SPARCL1: variants seen among roughly 807,000 people sequenced by gnomAD.
SPARCL1 encodes the protein SPARC like 1.
A neutral mutation model predicts 67.1 loss-of-function variants in SPARCL1; 52 were observed. The observed-to-expected ratio is 0.78, with a 90% confidence interval of 0.62 to 0.98. The LOEUF is 0.98. SPARCL1 is among the 50% of genes least tolerant of loss of function. The pLI is 0.00. For missense variants in SPARCL1, 717 were observed against 782.4 expected, an observed-to-expected ratio of 0.92 and a Z score of 1.00; for synonymous variants, 226 against 267.8, an observed-to-expected ratio of 0.84 and a Z score of 1.52.
intron 1 of SPARCL1, among the ~76,000 whole-genome samples, chr4:87,516,169 C>T (rs1195591540): frequency 6.6e-6 from 1 of 152,196 alleles, no homozygotes; most frequent in Non-Finnish European, 1.5e-5. Context: ...CCAATCCCAG[C>T]TTTGCATCTG....
chr4:87,484,610 T>C (rs1723975621), intron 7 of SPARCL1, among the ~76,000 whole-genome samples: 1 of 152,226 alleles, frequency 6.6e-6, no homozygotes, highest in South Asian at 2.1e-4. Flanking sequence ...TTTCTAATTC[T>C]GTGAAGAAAG....
intron 7 of SPARCL1, among the ~76,000 whole-genome samples, chr4:87,486,888 C>CTTTATTTTTTTTTTTTTTTTTTTT (rs1724084186): frequency 3.6e-5 from 1 of 27,968 alleles, no homozygotes; most frequent in Non-Finnish European, 7.1e-5. Flanking sequence ...GCAATTCCTG[C>CTTTATTTTTTTTTTTTTTTTTTTT]TTTTTTTTTT....
chr4:87,507,029 C>G (rs1050709020), intron 1 of SPARCL1, among the ~76,000 whole-genome samples: 1 of 152,108 alleles, frequency 6.6e-6, no homozygotes, highest in Non-Finnish European at 1.5e-5. Flanking sequence ...GAATAAACAA[C>G]TTAGATTCTC....
chr4:87,507,364 A>T (rs1013412407), intron 1 of SPARCL1, among the ~76,000 whole-genome samples: 1 of 152,238 alleles, frequency 6.6e-6, no homozygotes, highest in Admixed American at 6.5e-5. Context: ...ACATGATCTC[A>T]CAAGTTCCCT....
At chr4:87,489,748 C>G (rs1724234687) in intron 7 of SPARCL1, among the ~76,000 whole-genome samples, 1 of 152,212 alleles carries the variant, frequency 6.6e-6, no homozygotes, top group South Asian at 2.1e-4. Context: ...TCATCCTCTC[C>G]TGTGTCTGGA....
intron 7 of SPARCL1, among the ~76,000 whole-genome samples, chr4:87,484,075 T>A (rs1034455331): frequency 6.6e-6 from 1 of 152,226 alleles, no homozygotes; most frequent in African/African-American, 2.4e-5. Flanking sequence ...GTGCAGAAGC[T>A]CTTTAGTTTA....
rs141782061 is a variant in SPARCL1 at position 87,518,493 on chromosome 4, A to G, written c.-12+10552T>C. On this transcript the variant is annotated intron_variant, in intron 1 of 10. Coordinates refer to ENST00000282470, the MANE Select transcript of SPARCL1 (RefSeq NM_004684.6). ...ATTTGCTTTTGAAATCAATGGCTTC[A>G]TTTTCAGACTGTAAGAAGACATCAG... Among the ~76,000 whole-genome samples, 57 of 152,290 alleles carry G rather than the reference A, an allele frequency of 3.7e-4. 1 individual carries two copies. In the East Asian group the frequency reaches 0.01, roughly 27 times the overall value.
chr4:87,504,675 C>T (rs1302895986), intron 1 of SPARCL1: 2 of 152,238 alleles, frequency 1.3e-5, no homozygotes, highest in South Asian at 4.2e-4. Flanking sequence ...TTACCTCTTA[C>T]ACAAAGGTGT....
intron 1 of SPARCL1, among the ~76,000 whole-genome samples, chr4:87,511,184 G>A (rs1324997675): frequency 1.3e-5 from 2 of 152,062 alleles, no homozygotes; most frequent in Non-Finnish European, 2.9e-5. Context: ...TCAGAGAATG[G>A]GTTGCTCATT....
intron 7 of SPARCL1, among the ~76,000 whole-genome samples, chr4:87,484,658 A>G (rs1723977425): frequency 6.6e-6 from 1 of 152,092 alleles, no homozygotes; most frequent in African/African-American, 2.4e-5. Context: ...TGAATCTATA[A>G]ATTACTTTGG....
chr4:87,504,135 T>TG (rs1724971386), intron 1 of SPARCL1, among the ~76,000 whole-genome samples: 1 of 30,922 alleles, frequency 3.2e-5, no homozygotes, highest in Non-Finnish European at 7.1e-5. Context: ...TGATTTGGTA[T>TG]TGTGTGTGTG....
At chr4:87,507,444 A>T (rs1322352682) in intron 1 of SPARCL1, among the ~76,000 whole-genome samples, 1 of 134,088 alleles carries the variant, frequency 7.5e-6, no homozygotes, top group Admixed American at 7.7e-5. Flanking sequence ...CAGAACTTGC[A>T]TCACTAATCC....
rs1723713645 is a variant in SPARCL1 at position 87,479,452 on chromosome 4, G to T, written c.1944C>A (p.Gly648=). The part of the protein sequence containing the change: ...KDKHITLKEW[G]HCFGIKEEDI... ...TACCTTCTTTAATTCCAAAGCAGTG[G>T]CCCCACTCCTTCAGGGTGATGTGCT... is the stretch of plus-strand genomic sequence containing the variant. Residue 648 remains glycine (G), a synonymous_variant, in exon 10 of 11, where the codon GGC becomes GGA. Transcript: ENST00000282470. 2 of 1,613,452 alleles carry T rather than the reference G, an allele frequency of 1.2e-6. No homozygotes were observed. Among genetic ancestry groups the T allele is most frequent in the South Asian group, 1.1e-5 (1 of 91,000 alleles).
At chr4:87,491,872 A>G (rs56273319) in intron 4 of SPARCL1, among the ~76,000 whole-genome samples, 182 bp from the exon 5 acceptor site, 77,034 of 150,232 alleles carry the variant, frequency 0.51, 22,550 homozygotes, top group African/African-American at 0.81. Context: ...TGGGAGGCCA[A>G]GGTGGGAGGA....
At chr4:87,513,788 A>G (rs563844487) in intron 1 of SPARCL1, among the ~76,000 whole-genome samples, 1 of 152,192 alleles carries the variant, frequency 6.6e-6, no homozygotes. Flanking sequence ...TAGTTCCAGA[A>G]CATATTTACT....
intron 1 of SPARCL1, among the ~76,000 whole-genome samples, chr4:87,518,030 C>T (rs1431283920): frequency 6.6e-6 from 1 of 152,170 alleles, no homozygotes; most frequent in African/African-American, 2.4e-5. Context: ...TGAGGGCCAA[C>T]ACATTTAATA....
At position 87,516,697 on chromosome 4, in the gene SPARCL1, CT is replaced by C. The variant is rs946617840; in HGVS notation, c.-12+12347del. On this transcript the variant is annotated intron_variant, in intron 1 of 10. Coordinates refer to ENST00000282470, the MANE Select transcript of SPARCL1 (RefSeq NM_004684.6). ...AGCCAAAGGGCACCCGGAGGCACAG[CT>C]TTTCAGACACATTCTTAAAGGTCTG... Among the ~76,000 whole-genome samples the C allele has an allele frequency of 6.6e-5, 10 of 152,286 alleles. No individual in the cohort carries two copies. In the South Asian group the frequency reaches 1.2e-3, roughly 19 times the overall value.
intron 7 of SPARCL1, among the ~76,000 whole-genome samples, chr4:87,483,449 G>T (rs1723915020): frequency 6.6e-6 from 1 of 152,182 alleles, no homozygotes; most frequent in South Asian, 2.1e-4. Flanking sequence ...GTATTCCATG[G>T]TGTATATGTG....
chr4:87,486,660 T>C (rs1724070679), intron 7 of SPARCL1, among the ~76,000 whole-genome samples: 1 of 152,046 alleles, frequency 6.6e-6, no homozygotes, highest in Non-Finnish European at 1.5e-5. Flanking sequence ...GACAGTGGGG[T>C]TTTAAAGTCT....
Sources: allele counts gnomAD v4.1 joint callset (sites outside exome capture counted in the v4.1 genomes callset), GRCh38; gene constraint gnomAD v4.1.1; transcripts MANE v1.5; gene names NCBI Gene and HGNC (gene_info 2026-07-23, HGNC 2026-07-21).